POLR2D: variants seen among roughly 807,000 people sequenced by gnomAD.
The protein encoded by POLR2D is RNA polymerase II subunit D.
Under a neutral mutation model 17.6 loss-of-function variants are expected in POLR2D, and 10 were observed. The observed-to-expected ratio is 0.57, with a 90% CI of 0.35 to 0.96. The LOEUF (loss-of-function observed/expected upper bound fraction) is 0.96. POLR2D is among the 40% of genes least tolerant of loss of function. POLR2D has a pLI of 0.02. For missense variants in POLR2D, 126 were observed against 176.4 expected, an observed-to-expected ratio of 0.71 and a Z score of 1.62; for synonymous variants, 52 against 60.2, an observed-to-expected ratio of 0.86 and a Z score of 0.63.
chr2:127,851,147 C>T lies in POLR2D; in HGVS notation c.255-462G>A, dbSNP rs533484432. ...AGGAGAATTGCTTGAACCCGGGAGG[C>T]GGAGGCTGCAGTGAGCCAAGATCAC... is the stretch of plus-strand genomic sequence containing the variant. On this transcript the variant is annotated intron_variant, in intron 2 of 3. Transcript: ENST00000272645. Among the ~76,000 whole-genome samples, 65 of 152,200 alleles carry T rather than the reference C, an allele frequency of 4.3e-4. No homozygotes were observed. The East Asian group carries it at 9.6e-3, about 23-fold the overall frequency.
rs1341608054 is a variant in POLR2D at position 127,844,671 on chromosome 2, A to C, written c.*3436T>G. ...GCTTTTTATTATTTTATTTTTTTTC[A>C]AGATGGAGTCTCGCTCTTGTTGCCC... On this transcript the variant is annotated 3_prime_UTR_variant, in exon 4 of 4. Coordinates refer to ENST00000272645, the MANE Select transcript of POLR2D (RefSeq NM_004805.4). The C allele has an allele frequency of 6.6e-6, 1 of 151,976 alleles. No homozygotes were observed. The highest frequency in any genetic ancestry group is 2.4e-5 in the African/African-American group (1 of 41,360). The allele number at this position is 151,976 out of a possible 1,614,324, so 9.4% of individuals were successfully genotyped here.
chr2:127,857,687 A>G, intron 1 of POLR2D: 1 of 499,166 alleles, frequency 2.0e-6, no homozygotes, highest in Non-Finnish European at 2.7e-6. Context: ...GTTCTGTACT[A>G]ATCGAAGTTG....
chr2:127,851,034 A>G (rs1037447123), intron 2 of POLR2D, among the ~76,000 whole-genome samples: 2 of 151,938 alleles, frequency 1.3e-5, no homozygotes, highest in Non-Finnish European at 2.9e-5. Flanking sequence ...CAGCCTGGCC[A>G]ACGTGGTGAA....
chr2:127,847,769 A>C lies in POLR2D; in HGVS notation c.*338T>G, dbSNP rs1690180264. The C allele has an allele frequency of 3.5e-6, 1 of 283,176 alleles. No homozygotes were observed. Among genetic ancestry groups the C allele is most frequent in the African/African-American group, 2.3e-5 (1 of 44,120 alleles). The allele number at this position is 283,176 out of a possible 1,614,324, so 17.5% of individuals were successfully genotyped here. On this transcript the variant is annotated 3_prime_UTR_variant, in exon 4 of 4. Transcript: ENST00000272645. ...AAAAAGTATAAACACCCTGAAATTAAAACATGAAATATTAAGAAAAAAGAT... is the reference window on the plus strand; with the variant it reads ...AAAAAGTATAAACACCCTGAAATTACAACATGAAATATTAAGAAAAAAGAT...
intron 1 of POLR2D, 42 bp from the exon 2 acceptor site, chr2:127,853,147 C>T (rs952319289): frequency 6.7e-7 from 1 of 1,489,318 alleles, no homozygotes; most frequent in Admixed American, 1.9e-5. Context: ...AATACTCCTT[C>T]AAAAGTTTGC....
At chr2:127,857,339 A>G (rs1490785628) in intron 1 of POLR2D, among the ~76,000 whole-genome samples, 1 of 152,202 alleles carries the variant, frequency 6.6e-6, no homozygotes. Flanking sequence ...CAATAAATCA[A>G]TAAAGTGTAA....
At chr2:127,848,759 G>A (rs939087347) in intron 3 of POLR2D, among the ~76,000 whole-genome samples, 4 of 151,912 alleles carry the variant, frequency 2.6e-5, no homozygotes, top group Non-Finnish European at 4.4e-5. Context: ...CTCGTGATCC[G>A]CCCGCCTCAG....
chr2:127,844,942 C>T lies in POLR2D; in HGVS notation c.*3165G>A, dbSNP rs1690126672. 2 of 152,252 alleles carry T rather than the reference C, an allele frequency of 1.3e-5. No homozygotes were observed. Among genetic ancestry groups the T allele is most frequent in the South Asian group, 2.1e-4 (1 of 4,832 alleles). 9.4% of individuals were successfully genotyped at this position (152,252 alleles called of 1,614,324 possible). A position where few individuals can be genotyped will look rare whatever the true frequency, so the allele number is the denominator to read the frequency against. On this transcript the variant is annotated 3_prime_UTR_variant, in exon 4 of 4. Transcript: ENST00000272645. Reference sequence around the variant, plus strand: ...GTGCTGGGATTACAGGTGTGAGCCACCGCGCCCAACTGTGAGCTGCTTTTT... The same window carrying T: ...GTGCTGGGATTACAGGTGTGAGCCATCGCGCCCAACTGTGAGCTGCTTTTT...
Position 127,848,182 on chromosome 2 carries a change from C to T in POLR2D, c.354G>A (p.Leu118=). 2 of 1,605,074 alleles carry T rather than the reference C, an allele frequency of 1.2e-6. No individual in the cohort carries two copies. The highest frequency in any genetic ancestry group is 1.1e-5 in the South Asian group (1 of 90,384). Residue 118 remains leucine (L), a synonymous_variant, in exon 4 of 4, where the codon TTG becomes TTA. Coordinates refer to ENST00000272645, the MANE Select transcript of POLR2D (RefSeq NM_004805.4). ...AEESKALIPS[L]EGRFEDEELQ... ...GCTCCTCATCTTCAAACCGTCCCTC[C>T]AAGCTACAAGAAAATGAAAAGAAAT... is the stretch of plus-strand genomic sequence containing the variant.
At chr2:127,855,822 C>T (rs1185836963) in intron 1 of POLR2D, among the ~76,000 whole-genome samples, 4 of 148,718 alleles carry the variant, frequency 2.7e-5, no homozygotes, top group African/African-American at 1.0e-4. Context: ...CACACACACA[C>T]AATTTATTTA....
intron 1 of POLR2D, among the ~76,000 whole-genome samples, chr2:127,855,646 T>C (rs1351800191): frequency 6.6e-6 from 1 of 152,150 alleles, no homozygotes; most frequent in Non-Finnish European, 1.5e-5. Context: ...CACAGAGCTT[T>C]TGGGAGGCAT....
chr2:127,853,788 T>C (rs1220756492), intron 1 of POLR2D, among the ~76,000 whole-genome samples: 2 of 152,128 alleles, frequency 1.3e-5, no homozygotes, highest in Admixed American at 1.3e-4. Flanking sequence ...TTTTTATGCC[T>C]GCAGCTACTC....
chr2:127,858,020 A>G lies in POLR2D; in HGVS notation c.73+8T>C. On this transcript the variant is annotated splice_region_variant and intron_variant, in intron 1 of 3. Transcript: ENST00000272645. ...GGCGCGGGGGAGTCTGGCAGCCCCGAGCCCAACCTTTAGGAAAGATGAGCT... is the reference window on the plus strand; with the variant it reads ...GGCGCGGGGGAGTCTGGCAGCCCCGGGCCCAACCTTTAGGAAAGATGAGCT... The G allele has an allele frequency of 5.7e-6, 9 of 1,578,094 alleles. No homozygotes were observed. The highest frequency in any genetic ancestry group is 7.7e-6 in the Non-Finnish European group (9 of 1,164,900).
chr2:127,852,790 T>G lies in POLR2D; in HGVS notation c.254+135A>C. The G allele has an allele frequency of 1.5e-6, 1 of 689,424 alleles. No homozygotes were observed. The highest frequency in any genetic ancestry group is 2.5e-6 in the Non-Finnish European group (1 of 393,644). The allele number at this position is 689,424 out of a possible 1,614,324, so 42.7% of individuals were successfully genotyped here. ...TGCCTCAACCTTCCAAAGTGCTGGGTGTGAGCCACCATGCCCAGCCTAACA... is the reference window on the plus strand; with the variant it reads ...TGCCTCAACCTTCCAAAGTGCTGGGGGTGAGCCACCATGCCCAGCCTAACA... On this transcript the variant is annotated intron_variant, in intron 2 of 3. Transcript: ENST00000272645. The surrounding 1 kb of genome is among the most constrained non-coding windows in gnomAD (Gnocchi z 4.0).
At chr2:127,857,715 G>T in intron 1 of POLR2D, 1 of 832,490 alleles carries the variant, frequency 1.2e-6, no homozygotes, top group Non-Finnish European at 1.5e-6. Flanking sequence ...TTCACGCTGG[G>T]CTCTTTTCCC....
At chr2:127,850,444 A>T in intron 3 of POLR2D, 146 bp downstream of exon 3, 1 of 215,652 alleles carries the variant, frequency 4.6e-6, no homozygotes, top group Non-Finnish European at 8.9e-6. Context: ...CCGTCTCAAA[A>T]AAAAAAAAAA....
At chr2:127,853,410 G>A (rs558451067) in intron 1 of POLR2D, among the ~76,000 whole-genome samples, 9 of 152,204 alleles carry the variant, frequency 5.9e-5, no homozygotes, top group African/African-American at 2.2e-4. Flanking sequence ...CTCAGTGTCT[G>A]TTGTTCCCTT....
chr2:127,844,767 T>C lies in POLR2D; in HGVS notation c.*3340A>G, dbSNP rs6746537. Reference sequence around the variant, plus strand: ...CTCCCGGGTTCAAGCAATTCTCCTGTCTCAGCTTCCCAAGTAGCTAGGATT... The same window carrying C: ...CTCCCGGGTTCAAGCAATTCTCCTGCCTCAGCTTCCCAAGTAGCTAGGATT... On this transcript the variant is annotated 3_prime_UTR_variant, in exon 4 of 4. Coordinates refer to ENST00000272645, the MANE Select transcript of POLR2D (RefSeq NM_004805.4). 0.55 allele frequency: 83,320 copies of C among 152,010 alleles called. 23,474 individuals carry two copies. The highest frequency in any genetic ancestry group is 0.72 in the South Asian group (3,457 of 4,814). The allele number at this position is 152,010 out of a possible 1,614,324, so 9.4% of individuals were successfully genotyped here.
Position 127,858,123 on chromosome 2 carries a change from C to T in POLR2D, c.-23G>A, listed in dbSNP as rs1477241288. 3 of 1,443,394 alleles carry T rather than the reference C, an allele frequency of 2.1e-6. No homozygotes were observed. Among genetic ancestry groups the T allele is most frequent in the East Asian group, 3.0e-5 (1 of 33,742 alleles). 89.4% of individuals were successfully genotyped at this position (1,443,394 alleles called of 1,614,324 possible). ...CATCGCCGCGCCGCGCCGCGCGCCA[C>T]CACCAGCGCCGCCGGAAGCAGAAGC... On this transcript the variant is annotated 5_prime_UTR_variant, in exon 1 of 4. The change creates a new upstream start codon in the 5' untranslated region. Transcript: ENST00000272645.
Sources: gnomAD v4.1 joint callset for allele counts (sites outside exome capture counted in the v4.1 genomes callset) on GRCh38, gnomAD v4.1.1 for gene constraint, Gnocchi (gnomAD v3.1) non-coding constraint, MANE v1.5 for transcripts, NCBI Gene and HGNC (gene_info 2026-07-23, HGNC 2026-07-21) for gene names.